The following CHDH variants were observed in gnomAD, a reference collection of about 807,000 sequenced individuals.
CHDH encodes the protein choline dehydrogenase.
In CHDH, 43 loss-of-function variants were observed where a neutral mutation model predicts 56.9. That is an observed-to-expected ratio of 0.76 (90% CI 0.59 to 0.97). The LOEUF (loss-of-function observed/expected upper bound fraction) is 0.97. Among genes scored for constraint, CHDH ranks in the 50% least tolerant of loss-of-function variants. CHDH has a pLI of 0.00. For synonymous variants in CHDH, 364 were observed against 348.5 expected, an observed-to-expected ratio of 1.04 and a Z score of -0.50; for missense variants, 816 against 821.1, an observed-to-expected ratio of 0.99 and a Z score of 0.08.
intron 1 of CHDH, among the ~76,000 whole-genome samples, chr3:53,842,501 GCTTT>G (rs1413546508): frequency 1.3e-5 from 2 of 152,124 alleles, no homozygotes; most frequent in East Asian, 3.9e-4. Flanking sequence ...TGCATCCGAG[GCTTT>G]CTTTGAGACC....
chr3:53,822,585 A>T lies in CHDH; in HGVS notation c.761T>A (p.Leu254His), dbSNP rs773376443. The T allele has an allele frequency of 1.2e-5, 19 of 1,612,804 alleles. No homozygotes were observed. The highest frequency in any genetic ancestry group is 1.2e-5 in the Non-Finnish European group (14 of 1,179,974). The change falls in exon 4 of 9, where the codon CTC (leucine) becomes CAC (histidine). Residue 254 changes from leucine to histidine, a missense_variant. By Grantham distance (99) the Leu-to-His change is moderately conservative (BLOSUM62 -3). Transcript: ENST00000315251. ...YLHPALSRTNLKAEAETLVSR... is the reference protein window; with the variant it reads ...YLHPALSRTNHKAEAETLVSR... ...CACAAGCGTCTCGGCCTCGGCCTTG[A>T]GGTTGGTGCGGCTCAGTGCTGGGTG...
rs375592914 is a variant in CHDH, at chr3:53,819,564, C to T, written c.1231G>A (p.Gly411Arg). 6.8e-6 allele frequency: 11 copies of T among 1,612,448 alleles called. No homozygotes were observed. The East Asian group carries it at 8.9e-5, about 13-fold the overall frequency. Reference sequence around the variant, plus strand: ...GCCTCCTGCTGGGTGGGGACCCGCCCGTGGTCAATCACTTGGGATGGCAGG... The same window carrying T: ...GCCTCCTGCTGGGTGGGGACCCGCCTGTGGTCAATCACTTGGGATGGCAGG... ...HFLPSQVIDH[G>R]RVPTQQEAYQ... The change falls in exon 7 of 9, where the codon GGG becomes AGG. Residue 411 changes from glycine to arginine, a missense_variant. Gly to Arg is a moderately radical substitution (Grantham distance 125). Transcript: ENST00000315251. This position sits in a 1 kb window ranked among gnomAD's most constrained non-coding sequence, Gnocchi z 5.4.
At chr3:53,820,769 CTA>C (rs1451658933) in intron 5 of CHDH, among the ~76,000 whole-genome samples, 161 bp from the exon 6 acceptor site, 1 of 152,248 alleles carries the variant, frequency 6.6e-6, no homozygotes, top group Admixed American at 6.5e-5. Flanking sequence ...CCCAGAGACA[CTA>C]TGTGTGCACT....
chr3:53,842,574 G>C (rs922126719), intron 1 of CHDH, among the ~76,000 whole-genome samples: 5 of 152,160 alleles, frequency 3.3e-5, no homozygotes, highest in Non-Finnish European at 5.9e-5. Flanking sequence ...AAGGCACAGG[G>C]ACCACAGCCA....
chr3:53,824,121 C>T, intron 2 of CHDH, 54 bp from the exon 3 acceptor site: 1 of 1,085,420 alleles, frequency 9.2e-7, no homozygotes. Context: ...CCAGGGTATG[C>T]TCACCAACGG....
intron 4 of CHDH, 50 bp downstream of exon 4, chr3:53,822,440 AG>A (rs771117008): frequency 7.4e-5 from 115 of 1,547,158 alleles, no homozygotes; most frequent in Non-Finnish European, 9.9e-5. Context: ...CTGGACCACC[AG>A]GGTCACTGCC....
At chr3:53,839,177 C>T (rs1698597563) in intron 2 of CHDH, among the ~76,000 whole-genome samples, 1 of 152,306 alleles carries the variant, frequency 6.6e-6, no homozygotes, top group Non-Finnish European at 1.5e-5. Context: ...CTGTATAGTC[C>T]AGGCAGGGGT....
In CHDH at chr3:53,834,831, T is replaced by C. The variant is rs1359474291; in HGVS notation, c.-60+6098A>G. ...TGCAGTGTACTGTGCCCTGTAGGAT[T>C]AGATCCTTTGGCCATTACAGTCCTA... On this transcript the variant is annotated intron_variant, in intron 2 of 8. Transcript: ENST00000315251. 2.0e-5 allele frequency among the ~76,000 whole-genome samples: 3 copies of C among 152,224 alleles called. No individual in the cohort carries two copies. In the East Asian group the frequency reaches 5.8e-4, roughly 29 times the overall value.
intron 5 of CHDH, 26 bp downstream of exon 5, chr3:53,821,620 TG>T: frequency 3.1e-6 from 5 of 1,607,526 alleles, no homozygotes; most frequent in Non-Finnish European, 4.3e-6. Context: ...AGACAGCCTC[TG>T]GGGAGCAGTA....
rs202031062 is a variant in CHDH at position 53,816,131 on chromosome 3, A to ACCCCCCCCCCCCCCCCCCC, written c.*1645_*1646insGGGGGGGGGGGGGGGGGGG. ...CAGAAAACTAACTTGTGGCTGTCGGACGCCCCCCCCCCCCGCCCCAGTCTG... is the reference window on the plus strand; with the variant it reads ...CAGAAAACTAACTTGTGGCTGTCGGACCCCCCCCCCCCCCCCCCCCGCCCCCCCCCCCCGCCCCAGTCTG... On this transcript the variant is annotated 3_prime_UTR_variant, in exon 9 of 9. Transcript: ENST00000315251. The ACCCCCCCCCCCCCCCCCCC allele has an allele frequency of 1.1e-5, 1 of 86,966 alleles. No homozygotes were observed. The highest frequency in any genetic ancestry group is 7.0e-5 in the African/African-American group (1 of 14,280). 5.4% of individuals were successfully genotyped at this position (86,966 alleles called of 1,614,324 possible).
intron 4 of CHDH, among the ~76,000 whole-genome samples, 161 bp from the exon 5 acceptor site, chr3:53,821,937 C>CTGAG (rs2106960131): frequency 6.6e-6 from 1 of 152,290 alleles, no homozygotes; most frequent in South Asian, 2.1e-4. Flanking sequence ...AGGAAACTCA[C>CTGAG]TGAGTCACTA....
intron 2 of CHDH, among the ~76,000 whole-genome samples, chr3:53,837,849 G>C (rs904986409): frequency 1.1e-4 from 16 of 152,074 alleles, no homozygotes; most frequent in Admixed American, 3.9e-4. Context: ...CCTAAGGTCA[G>C]GAGTTCAAGA....
rs144047041 is a variant in CHDH, at chr3:53,844,615, C to T, written c.-131+1468G>A. The T allele has an allele frequency of 2.5e-3, 389 of 152,740 alleles. 3 individuals are homozygous for T. Among genetic ancestry groups the T allele is most frequent in the Admixed American group, 3.9e-3 (60 of 15,306 alleles). The allele number at this position is 152,740 out of a possible 1,614,324, so 9.5% of individuals were successfully genotyped here. A position where few individuals can be genotyped will look rare whatever the true frequency, so the allele number is the denominator to read the frequency against. ...CCTGGTTGTCTCAAAGCCTGTGTGC[C>T]GAACAACACCAAGCTCACAGCAGGG... is the stretch of plus-strand genomic sequence containing the variant. On this transcript the variant is annotated intron_variant, in intron 1 of 8. Transcript: ENST00000315251.
chr3:53,839,021 A>G (rs1698591723), intron 2 of CHDH, among the ~76,000 whole-genome samples: 1 of 152,126 alleles, frequency 6.6e-6, no homozygotes, highest in South Asian at 2.1e-4. Context: ...CTACCCCAGA[A>G]CCAACTCTCC....
chr3:53,829,315 A>C (rs1698261977), intron 2 of CHDH, among the ~76,000 whole-genome samples: 1 of 152,170 alleles, frequency 6.6e-6, no homozygotes. Flanking sequence ...ACAGTGGTGG[A>C]TACAGGTCAT....
Position 53,823,442 on chromosome 3 carries a change from C to A in CHDH, c.567G>T (p.Val189=), listed in dbSNP as rs371746368. The A allele has an allele frequency of 1.9e-6, 3 of 1,571,494 alleles. No homozygotes were observed. The highest frequency in any genetic ancestry group is 2.6e-6 in the Non-Finnish European group (3 of 1,158,796). The change falls in exon 3 of 9, where the codon GTG becomes GTT. Residue 189 remains valine (V), a synonymous_variant. Coordinates refer to ENST00000315251, the MANE Select transcript of CHDH (RefSeq NM_018397.5). ...GCGGGTGGTTGGTCTTGCCCCGGGACACCCGCAGCGGGCCATCGGCGCCCC... is the reference window on the plus strand; with the variant it reads ...GCGGGTGGTTGGTCTTGCCCCGGGAAACCCGCAGCGGGCCATCGGCGCCCC... ...RYRGADGPLR[V]SRGKTNHPLH...
Position 53,821,732 on chromosome 3 carries a change from G to T in CHDH, c.900C>A (p.Asn300Lys). 1 of 1,614,098 alleles carries T rather than the reference G, an allele frequency of 6.2e-7. No homozygotes were observed. Among genetic ancestry groups the T allele is most frequent in the South Asian group, 1.1e-5 (1 of 91,080 alleles). ...KEVILSGGAINSPQLLMLSGI... is the reference protein window; with the variant it reads ...KEVILSGGAIKSPQLLMLSGI... ...CAGAGAGCATGAGCAGCTGTGGAGA[G>T]TTGATGGCACCTCCACTCAGAATCA... is the stretch of plus-strand genomic sequence containing the variant. The change falls in exon 5 of 9, where the codon AAC (asparagine) becomes AAA (lysine). Residue 300 changes from asparagine (N) to lysine (K), a missense_variant. Physicochemically the swap from Asn to Lys is moderately conservative, Grantham distance 94. Coordinates refer to ENST00000315251, the MANE Select transcript of CHDH (RefSeq NM_018397.5).
chr3:53,822,756 C>T (rs1559751118), intron 3 of CHDH, 114 bp from the exon 4 acceptor site: 2 of 1,319,358 alleles, frequency 1.5e-6, no homozygotes, highest in East Asian at 2.5e-5. Flanking sequence ...CTGCAAGTCC[C>T]GCCTTCAAAG....
At chr3:53,826,657 C>T (rs1048263003) in intron 2 of CHDH, among the ~76,000 whole-genome samples, 7 of 152,162 alleles carry the variant, frequency 4.6e-5, no homozygotes, top group East Asian at 3.8e-4. Flanking sequence ...TCATACCTGA[C>T]GGTAAAAAAT....
Sources: gnomAD v4.1 joint callset for allele counts (sites outside exome capture counted in the v4.1 genomes callset) on GRCh38, gnomAD v4.1.1 for gene constraint, Gnocchi (gnomAD v3.1) non-coding constraint, MANE v1.5 for transcripts, NCBI Gene and HGNC (gene_info 2026-07-23, HGNC 2026-07-21) for gene names.